KMT2A: variants seen among roughly 807,000 people sequenced by gnomAD.
The protein encoded by KMT2A is lysine methyltransferase 2A.
Under a neutral mutation model 345.3 loss-of-function variants are expected in KMT2A, and 16 were observed. That is an observed-to-expected ratio of 0.05 (90% confidence interval 0.03 to 0.07). The LOEUF is 0.07. Ranked by LOEUF, KMT2A falls within the 10% of genes least tolerant of loss-of-function variation. KMT2A has a pLI of 1.00. For synonymous variants in KMT2A, 1,599 were observed against 1,778.6 expected (o/e 0.90, Z 2.54); for missense variants, 3,272 against 4,841.6 (o/e 0.68, Z 9.62).
rs518835 is a variant in KMT2A at position 118,482,090 on chromosome 11, C to T, written c.4010C>T (p.Ser1337Leu). ...AAAAAGCAGCCTCCACCACCAGAAT[C>T]AGGTGAGTGAGGAGGGCAAGAAGGA... Reference protein sequence around the residue: ...PKKKQPPPPESGPEQSKQKKV... With the variant: ...PKKKQPPPPELGPEQSKQKKV... Residue 1337 changes from serine (S) to leucine (L), a missense_variant and splice_region_variant, in exon 7 of 36, where the codon TCA becomes TTA. Ser to Leu is a moderately radical substitution (Grantham distance 145, BLOSUM62 -2). Coordinates refer to ENST00000534358, the MANE Select transcript of KMT2A (RefSeq NM_001197104.2). The T allele has an allele frequency of 1.7e-5, 28 of 1,603,786 alleles. No homozygotes were observed. The highest frequency in any genetic ancestry group is 2.4e-5 in the Non-Finnish European group (28 of 1,176,232).
At chr11:118,482,135 T>C in intron 7 of KMT2A, 43 bp downstream of exon 7, 1 of 1,548,002 alleles carries the variant, frequency 6.5e-7, no homozygotes. Flanking sequence ...CCACAAGTAC[T>C]AACAAAAAAG....
intron 1 of KMT2A, among the ~76,000 whole-genome samples, chr11:118,456,176 A>G (rs1436006254): frequency 5.3e-5 from 8 of 151,806 alleles, no homozygotes; most frequent in African/African-American, 1.9e-4. Context: ...CATTACCTTC[A>G]TGATCTATTT....
chr11:118,468,074 A>G (rs1177691361), intron 1 of KMT2A, among the ~76,000 whole-genome samples: 3 of 152,176 alleles, frequency 2.0e-5, no homozygotes, highest in African/African-American at 4.8e-5. Flanking sequence ...GTCCTTTCCA[A>G]CTATAACTGA....
chr11:118,439,377 A>G (rs1949269832), intron 1 of KMT2A, among the ~76,000 whole-genome samples: 1 of 152,172 alleles, frequency 6.6e-6, no homozygotes, highest in Admixed American at 6.5e-5. Flanking sequence ...TAGAAGGACT[A>G]AGCATTCACA....
In KMT2A at chr11:118,496,180, C is replaced by T. The variant is rs1311782012; in HGVS notation, c.5558-81C>T. ...GTGGGCTATGTAAGCTGAATTATTT[C>T]TTTTTTCCTTGAAATCAGACATAGT... On this transcript the variant is annotated intron_variant, in intron 19 of 35. Transcript: ENST00000534358. This position sits in a 1 kb window ranked among gnomAD's most constrained non-coding sequence, Gnocchi z 4.7. The T allele has an allele frequency of 9.3e-7, 1 of 1,073,644 alleles. No homozygotes were observed. The highest frequency in any genetic ancestry group is 1.3e-5 in the South Asian group (1 of 77,312). 66.5% of individuals were successfully genotyped at this position (1,073,644 alleles called of 1,614,324 possible). A position where few individuals can be genotyped will look rare whatever the true frequency, so the allele number is the denominator to read the frequency against.
intron 7 of KMT2A, among the ~76,000 whole-genome samples, 156 bp from the exon 8 acceptor site, chr11:118,482,266 A>G (rs1318208490): frequency 6.6e-6 from 1 of 152,148 alleles, no homozygotes; most frequent in Non-Finnish European, 1.5e-5. Flanking sequence ...AACAAAAAAA[A>G]CAGTTAAATT....
Position 118,484,135 on chromosome 11 carries a change from G to A in KMT2A, c.4087-48G>A. The A allele has an allele frequency of 6.3e-7, 1 of 1,586,104 alleles. No homozygotes were observed. Among genetic ancestry groups the A allele is most frequent in the Non-Finnish European group, 8.6e-7 (1 of 1,163,618 alleles). On this transcript the variant is annotated intron_variant, in intron 8 of 35. Coordinates refer to ENST00000534358, the MANE Select transcript of KMT2A (RefSeq NM_001197104.2). This position sits in a 1 kb window ranked among gnomAD's most constrained non-coding sequence, Gnocchi z 4.1. ...CATTATTATCTGTTGCAAATGTGAA[G>A]GCAAATAGGGTGTGATTTTGTTCTA...
intron 1 of KMT2A, among the ~76,000 whole-genome samples, chr11:118,460,452 A>AT (rs1264286129): frequency 1.3e-5 from 2 of 151,666 alleles, no homozygotes; most frequent in African/African-American, 2.4e-5. Flanking sequence ...ACACCCAGCT[A>AT]TTTTTTTGTA....
Position 118,502,686 on chromosome 11 carries a change from C to T in KMT2A, c.6794C>T (p.Thr2265Ile), listed in dbSNP as rs149888768. The T allele has an allele frequency of 6.2e-7, 1 of 1,614,016 alleles. No homozygotes were observed. The highest frequency in any genetic ancestry group is 8.5e-7 in the Non-Finnish European group (1 of 1,180,030). ...SSTSLGQNTS[T>I]SSNLQRTVVT... is the part of the protein sequence containing the mutation. ...ACTAGTTTAGGGCAAAACACTTCCACCTCTTCAAATTTGCAAAGGACAGTG... is the reference window on the plus strand; with the variant it reads ...ACTAGTTTAGGGCAAAACACTTCCATCTCTTCAAATTTGCAAAGGACAGTG... Residue 2265 changes from threonine to isoleucine, a missense_variant, in exon 27 of 36, where the codon ACC (threonine) becomes ATC (isoleucine). By Grantham distance (89) the Thr-to-Ile change is moderately conservative. Coordinates refer to ENST00000534358, the MANE Select transcript of KMT2A (RefSeq NM_001197104.2). The surrounding 1 kb of genome is among the most constrained non-coding windows in gnomAD (Gnocchi z 4.9).
At chr11:118,448,721 A>C (rs1949471530) in intron 1 of KMT2A, 1 of 152,168 alleles carries the variant, frequency 6.6e-6, no homozygotes, top group Non-Finnish European at 1.5e-5. Flanking sequence ...CATCTTAAGT[A>C]TTTTTTAAGT....
At chr11:118,486,415 A>G (rs1235982159) in intron 10 of KMT2A, among the ~76,000 whole-genome samples, 3 of 150,240 alleles carry the variant, frequency 2.0e-5, no homozygotes, top group African/African-American at 7.4e-5. Flanking sequence ...TGCAGTATGT[A>G]CCACCTTTAC....
chr11:118,457,022 C>T (rs934442276), intron 1 of KMT2A, among the ~76,000 whole-genome samples: 2 of 152,126 alleles, frequency 1.3e-5, no homozygotes, highest in African/African-American at 2.4e-5. Flanking sequence ...TCTATAGGAT[C>T]TGTCCTTTTC....
chr11:118,511,967 G>A lies in KMT2A; in HGVS notation c.11088G>A (p.Leu3696=), dbSNP rs1950696880. 3 of 1,614,060 alleles carry A rather than the reference G, an allele frequency of 1.9e-6. No individual in the cohort carries two copies. The highest frequency in any genetic ancestry group is 1.3e-5 in the African/African-American group (1 of 75,020). ...AESIEDAWKS[L]TDKVQEARSN... ...TCCTTTCAGATGCCTGGAAGTCATTGACAGATAAAGTCCAGGAAGCTCGAT... is the reference window on the plus strand; with the variant it reads ...TCCTTTCAGATGCCTGGAAGTCATTAACAGATAAAGTCCAGGAAGCTCGAT... Residue 3696 remains leucine (L), a synonymous_variant, in exon 31 of 36, where the codon TTG becomes TTA. Coordinates refer to ENST00000534358, the MANE Select transcript of KMT2A (RefSeq NM_001197104.2).
intron 1 of KMT2A, among the ~76,000 whole-genome samples, chr11:118,440,761 G>A (rs188211846): frequency 1.3e-5 from 2 of 151,474 alleles, no homozygotes; most frequent in African/African-American, 4.8e-5. Context: ...TCCTGCAGCT[G>A]AAAGGTAGTA....
chr11:118,513,100 G>A (rs887399743), intron 31 of KMT2A, among the ~76,000 whole-genome samples: 2 of 151,990 alleles, frequency 1.3e-5, no homozygotes, highest in Non-Finnish European at 2.9e-5. Context: ...TATATTAGCC[G>A]GCACCGTGGC....
intron 31 of KMT2A, among the ~76,000 whole-genome samples, chr11:118,512,667 G>T (rs1950714524): frequency 6.6e-6 from 1 of 151,892 alleles, no homozygotes; most frequent in Admixed American, 6.6e-5. Context: ...GGAATGGCTG[G>T]GTCATATGGT....
In KMT2A at chr11:118,497,292, C is replaced by T. The variant is rs981934407; in HGVS notation, c.5665-644C>T. On this transcript the variant is annotated intron_variant, in intron 20 of 35. Coordinates refer to ENST00000534358, the MANE Select transcript of KMT2A (RefSeq NM_001197104.2). The surrounding 1 kb of genome is among the most constrained non-coding windows in gnomAD (Gnocchi z 4.8). ...TGGTGGGATTACAGGCGTGAGCCAC[C>T]GTGCCCGGCCAAAAGCTTTTAAATA... 2.8e-4 allele frequency among the ~76,000 whole-genome samples: 43 copies of T among 152,170 alleles called. No individual in the cohort carries two copies. Among genetic ancestry groups the T allele is most frequent in the African/African-American group, 9.7e-4 (40 of 41,436 alleles).
chr11:118,506,068 C>T lies in KMT2A; in HGVS notation c.10176C>T (p.Ser3392=). The T allele has an allele frequency of 1.2e-6, 2 of 1,614,170 alleles. No individual in the cohort carries two copies. The highest frequency in any genetic ancestry group is 2.2e-5 in the South Asian group (2 of 91,076). Reference sequence around the variant, plus strand: ...TTTTAATCAAAGCTAGCCAGCAGAGCCTGGGGATTCAGGACCAGCCTGTGG... The same window carrying T: ...TTTTAATCAAAGCTAGCCAGCAGAGTCTGGGGATTCAGGACCAGCCTGTGG... ...SNLLIKASQQ[S]LGIQDQPVAL... Residue 3392 remains serine (S), a synonymous_variant, in exon 27 of 36, where the codon AGC becomes AGT. Coordinates refer to ENST00000534358, the MANE Select transcript of KMT2A (RefSeq NM_001197104.2).
At position 118,502,938 on chromosome 11, in the gene KMT2A, G is replaced by A. The variant is rs1229047290; in HGVS notation, c.7046G>A (p.Ser2349Asn). 3.1e-6 allele frequency: 5 copies of A among 1,614,172 alleles called. No individual in the cohort carries two copies. The highest frequency in any genetic ancestry group is 4.2e-6 in the Non-Finnish European group (5 of 1,180,026). ...HNTTSRELNV[S>N]KIGSFAEPSS... ...ACAACATCTAGAGAACTGAATGTTA[G>A]TAAAATCGGCTCCTTTGCTGAACCC... Residue 2349 changes from serine (S) to asparagine (N), a missense_variant, in exon 27 of 36, where the codon AGT becomes AAT. Ser to Asn is a conservative substitution (Grantham distance 46). Coordinates refer to ENST00000534358, the MANE Select transcript of KMT2A (RefSeq NM_001197104.2). This position sits in a 1 kb window ranked among gnomAD's most constrained non-coding sequence, Gnocchi z 4.9.
Sources: allele counts gnomAD v4.1 joint callset (sites outside exome capture counted in the v4.1 genomes callset), GRCh38; gene constraint gnomAD v4.1.1; non-coding constraint Gnocchi (gnomAD v3.1); transcripts MANE v1.5; gene names NCBI Gene and HGNC (gene_info 2026-07-23, HGNC 2026-07-21).